Variants in CDH18 observed in about 807,000 individuals in gnomAD.
CDH18 encodes cadherin-18.
In CDH18, 31 loss-of-function variants were observed where a neutral mutation model predicts 67.9. The ratio of observed to expected loss-of-function variants is 0.46; its 90% CI spans 0.34 to 0.62. The LOEUF is 0.62. Ranked by LOEUF, CDH18 falls within the 20% of genes least tolerant of loss-of-function variation. The pLI, the probability that CDH18 is intolerant of heterozygous loss-of-function variation, is 0.01. For missense variants in CDH18, 890 were observed against 975.5 expected, an observed-to-expected ratio of 0.91 and a Z score of 1.17; for synonymous variants, 362 against 347.2, an observed-to-expected ratio of 1.04 and a Z score of -0.48.
At chr5:19,797,354 T>G (rs1776969072) in intron 3 of CDH18, among the ~76,000 whole-genome samples, 3 of 151,836 alleles carry the variant, frequency 2.0e-5, no homozygotes, top group Admixed American at 1.3e-4. Flanking sequence ...AAAAAGAAAA[T>G]AAAATACTTA....
intron 2 of CDH18, among the ~76,000 whole-genome samples, chr5:19,940,982 G>C (rs1281430230): frequency 1.3e-5 from 2 of 152,096 alleles, no homozygotes; most frequent in East Asian, 3.9e-4. Flanking sequence ...CCTAAAGGGG[G>C]AGGGTGAAAG....
intron 5 of CDH18, among the ~76,000 whole-genome samples, chr5:19,629,081 T>C (rs1039569019): frequency 2.6e-5 from 4 of 152,220 alleles, no homozygotes; most frequent in Non-Finnish European, 5.9e-5. Flanking sequence ...ATGAGAACTG[T>C]GGCAGTCTGC....
chr5:19,945,646 T>C (rs537452637), intron 2 of CDH18, among the ~76,000 whole-genome samples: 106 of 152,142 alleles, frequency 7.0e-4, no homozygotes, highest in African/African-American at 2.4e-3. Context: ...GAAGAAGAGA[T>C]AGAAAATCTC....
intron 2 of CDH18, among the ~76,000 whole-genome samples, chr5:19,901,358 A>C (rs979383429): frequency 2.0e-5 from 3 of 152,072 alleles, no homozygotes; most frequent in Non-Finnish European, 4.4e-5. Context: ...TTTTTGTTGC[A>C]TGACTAGTTT....
intron 1 of CDH18, chr5:20,305,908 A>C (rs1360696758): frequency 6.0e-6 from 1 of 166,696 alleles, no homozygotes; most frequent in East Asian, 1.7e-4. Context: ...TAAAACTTCA[A>C]CTTATTTCAA....
chr5:19,633,237 T>C (rs1752661777), intron 5 of CDH18, among the ~76,000 whole-genome samples: 1 of 152,178 alleles, frequency 6.6e-6, no homozygotes, highest in Non-Finnish European at 1.5e-5. Context: ...TCTGTACCTG[T>C]CCACAAATAT....
At chr5:20,345,289 T>C (rs1740610780) in intron 1 of CDH18, among the ~76,000 whole-genome samples, 1 of 152,140 alleles carries the variant, frequency 6.6e-6, no homozygotes, top group Admixed American at 6.6e-5. Flanking sequence ...TTTTTATAAC[T>C]GCTGCTCTGC....
chr5:19,977,893 A>G (rs1177441526), intron 2 of CDH18, among the ~76,000 whole-genome samples: 2 of 152,116 alleles, frequency 1.3e-5, no homozygotes, highest in Non-Finnish European at 1.5e-5. Context: ...CTATATTCTC[A>G]TTCTAAGCCA....
At chr5:20,253,690 A>T (rs1019679508) in intron 2 of CDH18, among the ~76,000 whole-genome samples, 10 of 152,240 alleles carry the variant, frequency 6.6e-5, no homozygotes, top group Non-Finnish European at 1.2e-4. Flanking sequence ...ACTCAGTCAG[A>T]CAACAATTTT....
At chr5:20,373,902 A>G (rs1359809646) in intron 1 of CDH18, among the ~76,000 whole-genome samples, 2 of 152,172 alleles carry the variant, frequency 1.3e-5, no homozygotes, top group East Asian at 1.9e-4. Context: ...TCTAAGAAAC[A>G]CTTTTATAAA....
At chr5:20,164,783 G>C (rs1012044448) in intron 2 of CDH18, among the ~76,000 whole-genome samples, 3 of 152,078 alleles carry the variant, frequency 2.0e-5, no homozygotes, top group Non-Finnish European at 4.4e-5. Context: ...AAAGAGATGA[G>C]TCCAAGTCGT....
At chr5:20,496,339 C>T (rs528382040) in intron 1 of CDH18, among the ~76,000 whole-genome samples, 3 of 151,978 alleles carry the variant, frequency 2.0e-5, no homozygotes, top group Admixed American at 1.3e-4. Context: ...AATTTTAAAC[C>T]TAATCATATT....
At chr5:20,251,686 T>G (rs577449059) in intron 2 of CDH18, among the ~76,000 whole-genome samples, 6 of 152,156 alleles carry the variant, frequency 3.9e-5, no homozygotes, top group Admixed American at 3.9e-4. Context: ...GTGGATGGCC[T>G]TGTATCTTTT....
chr5:20,423,811 G>A (rs1369613689), intron 1 of CDH18, among the ~76,000 whole-genome samples: 1 of 150,148 alleles, frequency 6.7e-6, no homozygotes, highest in African/African-American at 2.5e-5. Context: ...GCCGGGCGTG[G>A]TGATGGGCGC....
chr5:20,107,246 A>AT lies in CDH18; in HGVS notation c.-517-115233dup, dbSNP rs1209819066. 2.0e-5 allele frequency among the ~76,000 whole-genome samples: 3 copies of AT among 151,828 alleles called. No homozygotes were observed. The East Asian group carries it at 5.9e-4, about 30-fold the overall frequency. Reference sequence around the variant, plus strand: ...CAGGCGCCCTCCATCACGCCCGGCTATTTTTTTAGTAGAGACACGGGGTTT... The same window carrying AT: ...CAGGCGCCCTCCATCACGCCCGGCTATTTTTTTTAGTAGAGACACGGGGTTT... On this transcript the variant is annotated intron_variant, in intron 2 of 14. Transcript: ENST00000507958.
At position 19,827,903 on chromosome 5, in the gene CDH18, C is replaced by A. The variant is rs978231368; in HGVS notation, c.228+10856G>T. Among the ~76,000 whole-genome samples the A allele has an allele frequency of 2.0e-5, 3 of 152,056 alleles. No individual in the cohort carries two copies. In the East Asian group the frequency reaches 5.8e-4, roughly 29 times the overall value. The stretch of plus-strand genomic sequence containing the variant: ...TAAACTGAAGGAAATTGATATGTGA[C>A]ACGCCATACAAAACATCAGCATATC... On this transcript the variant is annotated intron_variant, in intron 3 of 12. Transcript: ENST00000382275.
intron 2 of CDH18, among the ~76,000 whole-genome samples, chr5:20,195,662 A>C (rs1738915413): frequency 6.6e-6 from 1 of 152,070 alleles, no homozygotes. Context: ...TGTTTACTCT[A>C]AAAATTTAAG....
intron 2 of CDH18, among the ~76,000 whole-genome samples, chr5:20,116,583 T>A (rs1335280982): frequency 6.6e-6 from 1 of 152,124 alleles, no homozygotes; most frequent in African/African-American, 2.4e-5. Flanking sequence ...AGGAATATAT[T>A]TTAAGTGTTG....
chr5:20,305,428 T>G (rs1191311717), intron 1 of CDH18: 45 of 1,526,888 alleles, frequency 2.9e-5, no homozygotes, highest in Non-Finnish European at 4.0e-5. Flanking sequence ...ATCTGTCAGT[T>G]CCTTCTCGGC....
Sources: gnomAD v4.1 joint callset for allele counts (sites outside exome capture counted in the v4.1 genomes callset) on GRCh38, gnomAD v4.1.1 for gene constraint, MANE v1.5 for transcripts, NCBI Gene and HGNC (gene_info 2026-07-23, HGNC 2026-07-21) for gene names.